Variants in MUC3A observed in about 807,000 individuals in gnomAD.
The protein encoded by MUC3A is mucin 3A, cell surface associated, also known as mucin-3A.
A neutral mutation model predicts 109.0 loss-of-function variants in MUC3A; 109 were observed. The ratio of observed to expected loss-of-function variants is 1.00; its 90% CI spans 0.86 to 1.17. MUC3A has a LOEUF of 1.17. Ranked by LOEUF, MUC3A falls within the 50% of genes most tolerant of loss-of-function variation. The pLI, the probability that MUC3A is intolerant of heterozygous loss-of-function variation, is 0.00. For synonymous variants in MUC3A, 1,398 were observed against 981.4 expected, an observed-to-expected ratio of 1.42 and a Z score of -7.93; for missense variants, 3,537 against 2,469.4, an observed-to-expected ratio of 1.43 and a Z score of -9.16.
rs1157249446 is a variant in MUC3A at position 100,957,104 on chromosome 7, G to A, written c.5325G>A (p.Ser1775=). 4 of 455,688 alleles carry A rather than the reference G, an allele frequency of 8.8e-6. No individual in the cohort carries two copies. The highest frequency in any genetic ancestry group is 7.1e-5 in the South Asian group (1 of 14,072). The allele number at this position is 455,688 out of a possible 1,614,324, so 28.2% of individuals were successfully genotyped here. A position where few individuals can be genotyped will look rare whatever the true frequency, so the allele number is the denominator to read the frequency against. The change falls in exon 2 of 12, where the codon TCG becomes TCA. Residue 1775 remains serine, a synonymous_variant. Coordinates refer to ENST00000379458, the MANE Select transcript of MUC3A (RefSeq NM_005960.2). The part of the protein sequence containing the change: ...SSITSTYTVT[S]MTTTTPLGPT... ...TCACCTCCACATATACGGTGACTTCGATGACAACTACCACCCCTCTAGGGC... is the reference window on the plus strand; with the variant it reads ...TCACCTCCACATATACGGTGACTTCAATGACAACTACCACCCCTCTAGGGC...
intron 1 of MUC3A, among the ~76,000 whole-genome samples, chr7:100,950,142 G>T (rs74783424): frequency 3.3e-5 from 5 of 152,190 alleles, no homozygotes; most frequent in South Asian, 2.1e-4. Flanking sequence ...CCCTGGTCTC[G>T]GTCCTCTGGT....
At position 100,960,852 on chromosome 7, in the gene MUC3A, G is replaced by T. The variant is rs764809660; in HGVS notation, c.8967G>T (p.Gly2989=). The change falls in exon 3 of 12, where the codon GGG becomes GGT. Residue 2989 remains glycine (G), a synonymous_variant. Coordinates refer to ENST00000379458, the MANE Select transcript of MUC3A (RefSeq NM_005960.2). Reference sequence around the variant, plus strand: ...AGCTCCAGACCAGATGCCAGAATGGGGGTCAGTGGGATGGCCTCAAATGCC... The same window carrying T: ...AGCTCCAGACCAGATGCCAGAATGGTGGTCAGTGGGATGGCCTCAAATGCC... ...RCQLQTRCQN[G]GQWDGLKCQC... 10 of 1,598,510 alleles carry T rather than the reference G, an allele frequency of 6.3e-6. No homozygotes were observed. The highest frequency in any genetic ancestry group is 1.1e-5 in the South Asian group (1 of 91,090).
intron 6 of MUC3A, 186 bp downstream of exon 6, chr7:100,965,029 G>T: frequency 1.8e-6 from 2 of 1,125,306 alleles, no homozygotes; most frequent in Non-Finnish European, 2.5e-6. Context: ...CGTGACCTCG[G>T]TACTGGGAAA....
Position 100,959,716 on chromosome 7 carries a change from C to CG in MUC3A, c.7937_7938insG (p.Ser2647LeufsTer11). The stretch of plus-strand genomic sequence containing the variant: ...ACCCTTCAAACAACTCCTTCTACTC[C>CG]CTCATTGCAAACTTCACTCACATCT... On this transcript the variant is annotated frameshift_variant, in exon 2 of 12. Coordinates refer to ENST00000379458, the MANE Select transcript of MUC3A (RefSeq NM_005960.2). LOFTEE classifies it high-confidence loss of function. 1 of 1,598,540 alleles carries CG rather than the reference C, an allele frequency of 6.3e-7. No homozygotes were observed. Among genetic ancestry groups the CG allele is most frequent in the East Asian group, 2.2e-5 (1 of 44,892 alleles).
At chr7:100,950,752 T>C (rs1344195982) in intron 1 of MUC3A, among the ~76,000 whole-genome samples, 2 of 152,308 alleles carry the variant, frequency 1.3e-5, no homozygotes, top group Non-Finnish European at 2.9e-5. Flanking sequence ...GGGTTCATGC[T>C]TGTAAACTAA....
At chr7:100,963,921 T>G (rs1792431002) in intron 5 of MUC3A, 169 bp downstream of exon 5, 7 of 934,824 alleles carry the variant, frequency 7.5e-6, no homozygotes, top group Non-Finnish European at 1.1e-5. Flanking sequence ...CTGGGGCCAT[T>G]TATCTGGAGG....
chr7:100,959,717 C>G lies in MUC3A; in HGVS notation c.7938C>G (p.Pro2646=). 1 of 1,598,536 alleles carries G rather than the reference C, an allele frequency of 6.3e-7. No individual in the cohort carries two copies. Among genetic ancestry groups the G allele is most frequent in the South Asian group, 1.1e-5 (1 of 91,090 alleles). ...CCCTTCAAACAACTCCTTCTACTCCCTCATTGCAAACTTCACTCACATCTA... is the reference window on the plus strand; with the variant it reads ...CCCTTCAAACAACTCCTTCTACTCCGTCATTGCAAACTTCACTCACATCTA... The part of the protein sequence containing the change: ...SSTLQTTPST[P]SLQTSLTSTS... The change falls in exon 2 of 12, where the codon CCC becomes CCG. Residue 2646 remains proline (P), a synonymous_variant. Coordinates refer to ENST00000379458, the MANE Select transcript of MUC3A (RefSeq NM_005960.2).
Position 100,960,257 on chromosome 7 carries a change from T to C in MUC3A, c.8478T>C (p.Thr2826=), listed in dbSNP as rs778567993. ...PTSISIQTTL[T]TYMDTSSMMP... ...CCATCAGTATCCAAACTACTCTTAC[T>C]ACATATATGGACACTTCTTCCATGA... The change falls in exon 2 of 12, where the codon ACT becomes ACC. Residue 2826 remains threonine (T), a synonymous_variant. Coordinates refer to ENST00000379458, the MANE Select transcript of MUC3A (RefSeq NM_005960.2). 3 of 1,598,544 alleles carry C rather than the reference T, an allele frequency of 1.9e-6. No homozygotes were observed. In the South Asian group the frequency reaches 3.3e-5, roughly 18 times the overall value.
chr7:100,962,849 C>T (rs1792383768), intron 3 of MUC3A, among the ~76,000 whole-genome samples: 1 of 133,136 alleles, frequency 7.5e-6, no homozygotes, highest in Admixed American at 7.8e-5. Flanking sequence ...CTCTCTCTCT[C>T]TCTATCTTTC....
intron 8 of MUC3A, 78 bp downstream of exon 8, chr7:100,965,944 C>T (rs1049557258): frequency 1.9e-5 from 28 of 1,492,170 alleles, no homozygotes; most frequent in Admixed American, 1.1e-4. Flanking sequence ...CATGCTCCGC[C>T]CCGGCTCCGC....
chr7:100,956,722 C>T lies in MUC3A; in HGVS notation c.4943C>T (p.Thr1648Ile). The T allele has an allele frequency of 2.4e-6, 1 of 414,842 alleles. No homozygotes were observed. The allele number at this position is 414,842 out of a possible 1,614,324, so 25.7% of individuals were successfully genotyped here. A position where few individuals can be genotyped will look rare whatever the true frequency, so the allele number is the denominator to read the frequency against. ...CCAACTTTCACAAGTACTGAGAACA[C>T]TCCAACAAGGTCCCTCCTGACAAGC... is the stretch of plus-strand genomic sequence containing the variant. ...GGPTFTSTEN[T>I]PTRSLLTSFP... Residue 1648 changes from threonine (T) to isoleucine (I), a missense_variant, in exon 2 of 12, where the codon ACT becomes ATT. Physicochemically the swap from Thr to Ile is moderately conservative, Grantham distance 89 (BLOSUM62 -1). Transcript: ENST00000379458.
chr7:100,967,278 T>C lies in MUC3A; in HGVS notation c.*116T>C. On this transcript the variant is annotated 3_prime_UTR_variant, in exon 12 of 12. Coordinates refer to ENST00000379458, the MANE Select transcript of MUC3A (RefSeq NM_005960.2). ...GGGCAGCCCAGGCTCCTGCTGTTCT[T>C]GGGCAAGATGAGACTGTTCCCCCAA... is the stretch of plus-strand genomic sequence containing the variant. 1 of 1,488,920 alleles carries C rather than the reference T, an allele frequency of 6.7e-7. No individual in the cohort carries two copies. Among genetic ancestry groups the C allele is most frequent in the Middle Eastern group, 1.7e-4 (1 of 5,796 alleles). The allele number at this position is 1,488,920 out of a possible 1,614,324, so 92.2% of individuals were successfully genotyped here. A position where few individuals can be genotyped will look rare whatever the true frequency, so the allele number is the denominator to read the frequency against.
chr7:100,952,411 C>T lies in MUC3A; in HGVS notation c.632C>T (p.Thr211Ile), dbSNP rs1791977816. The change falls in exon 2 of 12, where the codon ACA becomes ATA. Residue 211 changes from threonine (T) to isoleucine (I), a missense_variant. By Grantham distance (89) the Thr-to-Ile change is moderately conservative. Coordinates refer to ENST00000379458, the MANE Select transcript of MUC3A (RefSeq NM_005960.2). ...GTGACACCCTCCTCTGTGTCAGCCA[C>T]AGACACAACCTTCCACACTACAATC... ...VTVTPSSVSA[T>I]DTTFHTTISS... The T allele has an allele frequency of 1.3e-6, 2 of 1,598,584 alleles. No individual in the cohort carries two copies.
At chr7:100,965,030 T>G in intron 6 of MUC3A, 187 bp downstream of exon 6, 1 of 1,119,188 alleles carries the variant, frequency 8.9e-7, no homozygotes, top group Non-Finnish European at 1.2e-6. Flanking sequence ...GTGACCTCGG[T>G]ACTGGGAAAG....
At position 100,967,254 on chromosome 7, in the gene MUC3A, G is replaced by A. The variant is rs962785206; in HGVS notation, c.*92G>A. 1.9e-6 allele frequency: 3 copies of A among 1,556,642 alleles called. No homozygotes were observed. The highest frequency in any genetic ancestry group is 1.4e-5 in the African/African-American group (1 of 73,930). ...TTTCAAGAGGTGGCCCCAGGACGCG[G>A]GCAGCCCAGGCTCCTGCTGTTCTTG... On this transcript the variant is annotated 3_prime_UTR_variant, in exon 12 of 12. Coordinates refer to ENST00000379458, the MANE Select transcript of MUC3A (RefSeq NM_005960.2).
chr7:100,957,629 C>G lies in MUC3A; in HGVS notation c.5850C>G (p.Thr1950=). 7.4e-7 allele frequency: 1 copy of G among 1,353,632 alleles called. No homozygotes were observed. The highest frequency in any genetic ancestry group is 9.5e-7 in the Non-Finnish European group (1 of 1,057,704). The allele number at this position is 1,353,632 out of a possible 1,614,324, so 83.9% of individuals were successfully genotyped here. A position where few individuals can be genotyped will look rare whatever the true frequency, so the allele number is the denominator to read the frequency against. ...CTTCTTCAATCACCAATACCAAGACCACCTCACACAGCTCTCCCAGCTTCA... is the reference window on the plus strand; with the variant it reads ...CTTCTTCAATCACCAATACCAAGACGACCTCACACAGCTCTCCCAGCTTCA... ...RFTSSITNTK[T]TSHSSPSFTS... Residue 1950 remains threonine, a synonymous_variant, in exon 2 of 12, where the codon ACC becomes ACG. Coordinates refer to ENST00000379458, the MANE Select transcript of MUC3A (RefSeq NM_005960.2).
In MUC3A at chr7:100,952,866, A is replaced by G. The variant is rs113291108; in HGVS notation, c.1087A>G (p.Thr363Ala). The part of the protein sequence containing the change: ...YSTSMTGTLS[T>A]ETSLPPTSSS... ...CACAAGTATGACAGGTACATTGTCC[A>G]CAGAGACTTCTCTCCCACCCACCTC... Residue 363 changes from threonine to alanine, a missense_variant, in exon 2 of 12, where the codon ACA becomes GCA. Physicochemically the swap from Thr to Ala is moderately conservative, Grantham distance 58. Transcript: ENST00000379458. 7.0e-7 allele frequency: 1 copy of G among 1,435,572 alleles called. No individual in the cohort carries two copies. The highest frequency in any genetic ancestry group is 9.1e-7 in the Non-Finnish European group (1 of 1,102,266). The allele number at this position is 1,435,572 out of a possible 1,614,324, so 88.9% of individuals were successfully genotyped here. A position where few individuals can be genotyped will look rare whatever the true frequency, so the allele number is the denominator to read the frequency against.
Position 100,958,052 on chromosome 7 carries a change from C to T in MUC3A, c.6273C>T (p.Leu2091=). 1 of 1,363,598 alleles carries T rather than the reference C, an allele frequency of 7.3e-7. No homozygotes were observed. Among genetic ancestry groups the T allele is most frequent in the South Asian group, 1.2e-5 (1 of 85,090 alleles). 84.5% of individuals were successfully genotyped at this position (1,363,598 alleles called of 1,614,324 possible). A position where few individuals can be genotyped will look rare whatever the true frequency, so the allele number is the denominator to read the frequency against. ...CCGAGACCCCCTCACACAGTACTCT[C>T]AGCTTCACTTCTTCAATCACCACCA... is the stretch of plus-strand genomic sequence containing the variant. ...TTTETPSHST[L]SFTSSITTTE... The change falls in exon 2 of 12, where the codon CTC becomes CTT. Residue 2091 remains leucine (L), a synonymous_variant. Transcript: ENST00000379458.
intron 7 of MUC3A, 93 bp downstream of exon 7, chr7:100,965,440 A>AG (rs1792499332): frequency 6.5e-7 from 1 of 1,539,052 alleles, no homozygotes; most frequent in African/African-American, 1.4e-5. Context: ...GCAGGGAGAG[A>AG]CCTTTGGGGG....
Sources: allele counts gnomAD v4.1 joint callset (sites outside exome capture counted in the v4.1 genomes callset), GRCh38; gene constraint gnomAD v4.1.1; transcripts MANE v1.5; gene names NCBI Gene and HGNC (gene_info 2026-07-23, HGNC 2026-07-21).